The following PHEX variants were observed in gnomAD, a reference collection of about 807,000 sequenced individuals.
PHEX encodes phosphate regulating endopeptidase X-linked, also known as phosphate-regulating neutral endopeptidase PHEX.
Under a neutral mutation model 68.0 loss-of-function variants are expected in PHEX, and 16 were observed. The observed-to-expected ratio is 0.24, with a 90% CI of 0.16 to 0.36. The LOEUF (loss-of-function observed/expected upper bound fraction) is 0.36, where lower values mean the gene tolerates loss of function less well. PHEX is among the 10% of genes least tolerant of loss of function. The pLI is 1.00. For synonymous variants in PHEX, 208 were observed against 205.1 expected, an observed-to-expected ratio of 1.01 and a Z score of -0.12; for missense variants, 480 against 575.5, an observed-to-expected ratio of 0.83 and a Z score of 1.70.
intron 18 of PHEX, 127 bp from the exon 19 acceptor site, chrX:22,226,316 T>C (rs868586766): frequency 6.4e-6 from 3 of 468,573 alleles, no homozygotes; most frequent in Non-Finnish European, 1.1e-5. Context: ...ACCTCTGATT[T>C]ATTGAATGTG....
At chrX:22,153,381 A>G (rs1332188215) in intron 12 of PHEX, among the ~76,000 whole-genome samples, 1 of 112,260 alleles carries the variant, frequency 8.9e-6, no homozygotes, top group Non-Finnish European at 1.9e-5. Context: ...TTCATAATTT[A>G]TAGCCAGAAT....
At chrX:22,154,113 G>A (rs5951709) in intron 12 of PHEX, among the ~76,000 whole-genome samples, 52,759 of 109,672 alleles carry the variant, frequency 0.48, 11,101 homozygotes, top group African/African-American at 0.79. Flanking sequence ...ATGTCCTACT[G>A]TGTACCCACA....
At chrX:22,157,806 G>C (rs1032517106) in intron 12 of PHEX, among the ~76,000 whole-genome samples, 2 of 111,636 alleles carry the variant, frequency 1.8e-5, no homozygotes, top group Non-Finnish European at 3.8e-5. Context: ...TGGGGTTGAG[G>C]GTGGATGACC....
At position 22,205,672 on chromosome X, in the gene PHEX, T is replaced by G. The variant is rs529602957; in HGVS notation, c.1646-7232T>G. On this transcript the variant is annotated intron_variant, in intron 15 of 21. Transcript: ENST00000379374. The stretch of plus-strand genomic sequence containing the variant: ...ATTAAATTATTAATTTATTAATACT[T>G]TATTAATATTAAATTATTATTATTA... 4.2e-5 allele frequency among the ~76,000 whole-genome samples: 4 copies of G among 94,225 alleles called. No individual in the cohort carries two copies. In the South Asian group the frequency reaches 1.7e-3, roughly 39 times the overall value. 81.8% of individuals were successfully genotyped at this position (94,225 alleles called of 115,157 possible).
rs1934125300 is a variant in PHEX, at chrX:22,189,330, G to GTT, written c.1587-1113_1587-1112dup. Among the ~76,000 whole-genome samples the GTT allele has an allele frequency of 2.7e-5, 3 of 112,297 alleles. No individual in the cohort carries two copies. The Admixed American group carries it at 2.8e-4, about 11-fold the overall frequency. On this transcript the variant is annotated intron_variant, in intron 14 of 21. Coordinates refer to ENST00000379374, the MANE Select transcript of PHEX (RefSeq NM_000444.6). ...GGATCATATGGTAGCTCCATTTTTAGTTCTTTGAGGAACCTCCAAATTGGA... is the reference window on the plus strand; with the variant it reads ...GGATCATATGGTAGCTCCATTTTTAGTTTTCTTTGAGGAACCTCCAAATTGGA...
At chrX:22,141,104 G>A (rs766760344) in intron 12 of PHEX, among the ~76,000 whole-genome samples, 14 of 110,389 alleles carry the variant, frequency 1.3e-4, no homozygotes, top group Non-Finnish European at 1.7e-4. Context: ...CAGAAGCATC[G>A]CCATCACTCA....
chrX:22,226,705 G>A (rs770757747), intron 19 of PHEX, among the ~76,000 whole-genome samples, 197 bp downstream of exon 19: 1 of 111,598 alleles, frequency 9.0e-6, no homozygotes, highest in East Asian at 2.8e-4. Flanking sequence ...TTTTTGGGGT[G>A]TGAAGTCACC....
intron 3 of PHEX, among the ~76,000 whole-genome samples, chrX:22,050,082 C>T (rs1033529219): frequency 8.9e-6 from 1 of 111,943 alleles, no homozygotes; most frequent in African/African-American, 3.2e-5. Flanking sequence ...ATGGTACAGT[C>T]GAATAGTTGC....
At chrX:22,157,378 A>G (rs1932984147) in intron 12 of PHEX, among the ~76,000 whole-genome samples, 1 of 112,604 alleles carries the variant, frequency 8.9e-6, no homozygotes, top group African/African-American at 3.2e-5. Flanking sequence ...CTCTATTTTT[A>G]AGGTAATATT....
chrX:22,159,897 C>A (rs1157437611), intron 12 of PHEX, among the ~76,000 whole-genome samples: 1 of 112,207 alleles, frequency 8.9e-6, no homozygotes, highest in Non-Finnish European at 1.9e-5. Context: ...GACGAGGAAC[C>A]TGAGGAACAG....
At chrX:22,161,856 C>T (rs1264174784) in intron 12 of PHEX, among the ~76,000 whole-genome samples, 2 of 111,848 alleles carry the variant, frequency 1.8e-5, no homozygotes, top group African/African-American at 6.5e-5. Flanking sequence ...GCCCCAGTGG[C>T]AGCTAGTGGA....
At chrX:22,159,672 G>A (rs1933054256) in intron 12 of PHEX, among the ~76,000 whole-genome samples, 1 of 112,480 alleles carries the variant, frequency 8.9e-6, no homozygotes. Flanking sequence ...GCTTGTTTCT[G>A]CTTTCTCAGG....
intron 3 of PHEX, among the ~76,000 whole-genome samples, chrX:22,060,682 G>T (rs1254903166): frequency 8.9e-6 from 1 of 111,780 alleles, no homozygotes; most frequent in African/African-American, 3.3e-5. Flanking sequence ...TAGCTTGAAT[G>T]TTGTAGGAGG....
At chrX:22,168,540 T>C (rs1933415574) in intron 13 of PHEX, 151 bp downstream of exon 13, 1 of 478,477 alleles carries the variant, frequency 2.1e-6, no homozygotes, top group Non-Finnish European at 3.7e-6. Context: ...AGCCTGAATA[T>C]GCCAGGCAGA....
intron 3 of PHEX, among the ~76,000 whole-genome samples, chrX:22,065,991 G>A (rs1215517811): frequency 8.9e-6 from 1 of 111,997 alleles, no homozygotes; most frequent in Non-Finnish European, 1.9e-5. Flanking sequence ...CAGAGACTCT[G>A]TCCAGCTGGT....
Position 22,221,597 on chromosome X carries a change from C to A in PHEX, c.1769-16C>A. 2.5e-6 allele frequency: 3 copies of A among 1,186,419 alleles called. No individual in the cohort carries two copies. In the South Asian group the frequency reaches 5.3e-5, roughly 21 times the overall value. On this transcript the variant is annotated splice_polypyrimidine_tract_variant and intron_variant, in intron 17 of 21. Transcript: ENST00000379374. ...CATAAATAACACAAATGTCTTCGAA[C>A]TTTTCCTTTTGCTAGGTAGAAAATA...
intron 2 of PHEX, among the ~76,000 whole-genome samples, chrX:22,042,198 G>A (rs749069360): frequency 9.0e-6 from 1 of 111,702 alleles, no homozygotes; most frequent in African/African-American, 3.2e-5. Context: ...CTGAGCAGGT[G>A]CCAACCACTT....
At chrX:22,093,139 G>A (rs1929976812) in intron 6 of PHEX, among the ~76,000 whole-genome samples, 1 of 112,042 alleles carries the variant, frequency 8.9e-6, no homozygotes, top group African/African-American at 3.2e-5. Context: ...AGGTCCTAAG[G>A]TCATACATAT....
At chrX:22,037,493 T>G (rs1448643545) in intron 1 of PHEX, among the ~76,000 whole-genome samples, 1 of 112,172 alleles carries the variant, frequency 8.9e-6, no homozygotes, top group Non-Finnish European at 1.9e-5. Flanking sequence ...TAAACTAACA[T>G]CTGCTAATGC....
Sources: allele counts gnomAD v4.1 joint callset (sites outside exome capture counted in the v4.1 genomes callset), GRCh38; gene constraint gnomAD v4.1.1; transcripts MANE v1.5; gene names NCBI Gene and HGNC (gene_info 2026-07-23, HGNC 2026-07-21).